The following SMOC1 variants were observed in gnomAD, a reference collection of about 807,000 sequenced individuals.
The protein encoded by SMOC1 is SPARC related modular calcium binding 1.
In SMOC1, 22 loss-of-function variants were observed where a neutral mutation model predicts 56.3. The ratio of observed to expected loss-of-function variants is 0.39; its 90% confidence interval spans 0.28 to 0.56. The LOEUF is 0.56. Among genes scored for constraint, SMOC1 ranks in the 20% least tolerant of loss-of-function variants. The pLI is 0.61. For synonymous variants in SMOC1, 193 were observed against 215.0 expected (o/e 0.90, Z 0.89); for missense variants, 509 against 565.4 (o/e 0.90, Z 1.01).
intron 1 of SMOC1, among the ~76,000 whole-genome samples, chr14:69,917,958 T>C (rs1355561653): frequency 6.6e-6 from 1 of 152,146 alleles, no homozygotes; most frequent in African/African-American, 2.4e-5. Flanking sequence ...TCACCTCCCT[T>C]CCTGCCTCTA....
chr14:69,989,381 G>T (rs1012369776), intron 5 of SMOC1, among the ~76,000 whole-genome samples: 1 of 152,112 alleles, frequency 6.6e-6, no homozygotes, highest in African/African-American at 2.4e-5. Flanking sequence ...TTTAAATAAG[G>T]TTGCTTGTTA....
chr14:69,934,386 A>T (rs1002068666), intron 1 of SMOC1, among the ~76,000 whole-genome samples: 7 of 152,132 alleles, frequency 4.6e-5, no homozygotes, highest in South Asian at 4.2e-4. Context: ...CTTCCCCCAC[A>T]TCAGAAATAG....
At chr14:69,955,952 T>G (rs998254537) in intron 3 of SMOC1, among the ~76,000 whole-genome samples, 17 of 152,154 alleles carry the variant, frequency 1.1e-4, no homozygotes, top group African/African-American at 4.1e-4. Context: ...CAGGCTTGTG[T>G]GATCCTGGGT....
At chr14:69,928,490 C>T (rs967091136) in intron 1 of SMOC1, among the ~76,000 whole-genome samples, 29 of 152,156 alleles carry the variant, frequency 1.9e-4, no homozygotes, top group African/African-American at 6.8e-4. Flanking sequence ...CCGACCCAGC[C>T]CAGACAGCTT....
At chr14:70,025,136 C>T (rs1024183592) in intron 11 of SMOC1, among the ~76,000 whole-genome samples, 2 of 152,058 alleles carry the variant, frequency 1.3e-5, no homozygotes, top group African/African-American at 2.4e-5. Flanking sequence ...GGTTTGGACA[C>T]GTTGAGTTGG....
chr14:70,009,184 G>A (rs1035259013), intron 7 of SMOC1, among the ~76,000 whole-genome samples: 8 of 152,124 alleles, frequency 5.3e-5, no homozygotes, highest in African/African-American at 1.9e-4. Flanking sequence ...TATTTTAATA[G>A]TGAATATGCT....
intron 5 of SMOC1, among the ~76,000 whole-genome samples, chr14:69,991,320 C>T (rs192284944): frequency 3.2e-3 from 480 of 152,220 alleles, no homozygotes; most frequent in Non-Finnish European, 3.2e-3. Flanking sequence ...GATACCCTCT[C>T]CAAGCCTTCT....
intron 1 of SMOC1, chr14:69,885,932 A>G: frequency 6.3e-7 from 1 of 1,597,210 alleles, no homozygotes; most frequent in South Asian, 1.1e-5. Flanking sequence ...CCGCTTATAG[A>G]GGATGGCTCT....
intron 1 of SMOC1, among the ~76,000 whole-genome samples, chr14:69,913,719 C>G (rs1254251821): frequency 1.3e-5 from 2 of 152,166 alleles, no homozygotes; most frequent in Admixed American, 6.5e-5. Context: ...GAGTGTGGGA[C>G]TTCTGATGCT....
chr14:69,965,036 T>C (rs1216190747), intron 3 of SMOC1, among the ~76,000 whole-genome samples: 1 of 152,136 alleles, frequency 6.6e-6, no homozygotes, highest in Non-Finnish European at 1.5e-5. Flanking sequence ...AATGATGTCA[T>C]GTGAGGAATA....
chr14:69,993,777 C>T (rs542095277), intron 6 of SMOC1, among the ~76,000 whole-genome samples: 9 of 152,246 alleles, frequency 5.9e-5, no homozygotes, highest in Admixed American at 5.9e-4. Context: ...CTTGGGAGAC[C>T]TCCCCAATAC....
intron 1 of SMOC1, among the ~76,000 whole-genome samples, chr14:69,907,630 A>G (rs181990560): frequency 2.6e-5 from 4 of 152,356 alleles, no homozygotes; most frequent in African/African-American, 9.6e-5. Context: ...TCGGTAAGAC[A>G]GAAAACAAGA....
At chr14:70,012,286 G>A (rs1885368145) in intron 9 of SMOC1, among the ~76,000 whole-genome samples, 1 of 152,228 alleles carries the variant, frequency 6.6e-6, no homozygotes, top group African/African-American at 2.4e-5. Context: ...CAAGAATGGA[G>A]TCATGGTGGC....
At chr14:70,027,844 A>G (rs1006695298) in intron 11 of SMOC1, among the ~76,000 whole-genome samples, 6 of 152,184 alleles carry the variant, frequency 3.9e-5, no homozygotes, top group Non-Finnish European at 8.8e-5. Context: ...GTAGAGGAAC[A>G]TGTCCGGGAA....
intron 5 of SMOC1, among the ~76,000 whole-genome samples, chr14:69,986,462 A>T (rs751320021): frequency 6.6e-6 from 1 of 152,126 alleles, no homozygotes; most frequent in Non-Finnish European, 1.5e-5. Flanking sequence ...CCCGATTTTG[A>T]TTTTGTACTA....
intron 3 of SMOC1, among the ~76,000 whole-genome samples, chr14:69,975,449 G>A (rs959812229): frequency 6.6e-6 from 1 of 152,186 alleles, no homozygotes; most frequent in Non-Finnish European, 1.5e-5. Flanking sequence ...GAAAAACACA[G>A]TATAATACAG....
At chr14:69,973,725 C>T (rs145352526) in intron 3 of SMOC1, among the ~76,000 whole-genome samples, 33 of 152,306 alleles carry the variant, frequency 2.2e-4, no homozygotes, top group African/African-American at 6.3e-4. Flanking sequence ...AGGTCCATAG[C>T]GAAACAACTT....
At chr14:69,986,733 G>T (rs1884378848) in intron 5 of SMOC1, among the ~76,000 whole-genome samples, 1 of 152,116 alleles carries the variant, frequency 6.6e-6, no homozygotes, top group African/African-American at 2.4e-5. Flanking sequence ...CTTTTCCCCA[G>T]CCTTCTGTTT....
chr14:69,983,757 C>G (rs944553459), intron 5 of SMOC1, among the ~76,000 whole-genome samples: 1 of 152,230 alleles, frequency 6.6e-6, no homozygotes, highest in Non-Finnish European at 1.5e-5. Context: ...CATTTGCTCC[C>G]TGCTCCCGGC....
Sources: gnomAD v4.1 joint callset for allele counts (sites outside exome capture counted in the v4.1 genomes callset) on GRCh38, gnomAD v4.1.1 for gene constraint, MANE v1.5 for transcripts, NCBI Gene and HGNC (gene_info 2026-07-23, HGNC 2026-07-21) for gene names.